Variants in MDH1 observed in about 807,000 individuals in gnomAD.
MDH1 encodes the protein malate dehydrogenase, cytoplasmic.
A neutral mutation model predicts 38.7 loss-of-function variants in MDH1; 15 were observed. That is an observed-to-expected ratio of 0.39 (90% CI 0.26 to 0.60). MDH1 has a LOEUF of 0.60. Ranked by LOEUF, MDH1 falls within the 20% of genes least tolerant of loss-of-function variation. The probability of loss-of-function intolerance (pLI) is 0.56; values close to 1 mark genes in which losing one functional copy is unlikely to be tolerated. For missense variants in MDH1, 368 were observed against 405.2 expected (o/e 0.91, Z 0.79); for synonymous variants, 144 against 143.6 (o/e 1.00, Z -0.02).
chr2:63,598,761 C>T (rs1040223826), intron 4 of MDH1, among the ~76,000 whole-genome samples: 5 of 152,032 alleles, frequency 3.3e-5, no homozygotes, highest in African/African-American at 1.2e-4. Flanking sequence ...AAATTGCAGG[C>T]TATTTGGAGG....
intron 3 of MDH1, among the ~76,000 whole-genome samples, chr2:63,596,208 T>C (rs893060733): frequency 3.9e-5 from 6 of 152,220 alleles, no homozygotes; most frequent in Admixed American, 6.5e-5. Context: ...TCATAGTCTT[T>C]CTTTTGGTAA....
chr2:63,604,277 C>T (rs1248399112), intron 5 of MDH1, among the ~76,000 whole-genome samples: 1 of 151,962 alleles, frequency 6.6e-6, no homozygotes, highest in East Asian at 1.9e-4. Context: ...TATAAAGTGC[C>T]TAAATACCTG....
At chr2:63,601,951 G>A (rs927734392) in intron 5 of MDH1, among the ~76,000 whole-genome samples, 2 of 152,120 alleles carry the variant, frequency 1.3e-5, no homozygotes, top group Non-Finnish European at 2.9e-5. Flanking sequence ...CATGGCAGAC[G>A]TAAAAAATGG....
intron 8 of MDH1, among the ~76,000 whole-genome samples, 183 bp from the exon 9 acceptor site, chr2:63,606,679 G>T (rs262473): frequency 0.8 from 121,957 of 151,842 alleles, 49,638 homozygotes; most frequent in East Asian, 0.98. Flanking sequence ...TTAGATTCAA[G>T]GGGTTTAAAA....
rs894585140 is a variant in MDH1, at chr2:63,605,271, C to G, written c.676-9C>G. 21 of 1,587,274 alleles carry G rather than the reference C, an allele frequency of 1.3e-5. No individual in the cohort carries two copies. The highest frequency in any genetic ancestry group is 8.4e-5 in the Admixed American group (5 of 59,810). On this transcript the variant is annotated splice_polypyrimidine_tract_variant and intron_variant, in intron 6 of 8. Transcript: ENST00000233114. ...GTAATACTGCTGCCTTCACCTGCCC[C>G]CTTCCCAGACTGTGCAGCAGCGTGG...
intron 5 of MDH1, among the ~76,000 whole-genome samples, chr2:63,602,990 C>T (rs893893031): frequency 2.9e-5 from 3 of 102,086 alleles, no homozygotes; most frequent in African/African-American, 3.7e-5. Flanking sequence ...GACAGAGTCT[C>T]GCCCTGTCGC....
chr2:63,595,617 C>G, intron 3 of MDH1, 98 bp downstream of exon 3: 1 of 726,722 alleles, frequency 1.4e-6, no homozygotes, highest in Non-Finnish European at 2.4e-6. Context: ...GAAATTATTT[C>G]ATAAGAGGAT....
intron 1 of MDH1, chr2:63,591,116 C>A (rs1373567416): frequency 6.6e-6 from 1 of 152,206 alleles, no homozygotes; most frequent in Non-Finnish European, 1.5e-5. Context: ...ACAGAGCCTG[C>A]ATCTGCAGGA....
intron 4 of MDH1, among the ~76,000 whole-genome samples, chr2:63,598,910 A>G (rs1320491152): frequency 2.6e-5 from 4 of 152,106 alleles, no homozygotes; most frequent in Admixed American, 2.0e-4. Context: ...AAAAAAAAAA[A>G]AAAAGATATA....
chr2:63,595,421 A>G lies in MDH1; in HGVS notation c.103-2A>G. ...ACAGATGCTGTCCTTGCTATTTGGT[A>G]GCCTATAATTCTTGTGCTGTTGGAT... is the stretch of plus-strand genomic sequence containing the variant. On this transcript the variant is annotated splice_acceptor_variant, in intron 2 of 8. Transcript: ENST00000233114. LOFTEE classifies it high-confidence loss of function. 1 of 1,589,024 alleles carries G rather than the reference A, an allele frequency of 6.3e-7. No homozygotes were observed. Among genetic ancestry groups the G allele is most frequent in the East Asian group, 2.2e-5 (1 of 44,754 alleles).
Position 63,594,623 on chromosome 2 carries a change from G to C in MDH1, c.102+37G>C, listed in dbSNP as rs544404343. 53 of 1,376,902 alleles carry C rather than the reference G, an allele frequency of 3.8e-5. No individual in the cohort carries two copies. In the Admixed American group the frequency reaches 8.0e-4, roughly 21 times the overall value. 85.3% of individuals were successfully genotyped at this position (1,376,902 alleles called of 1,614,324 possible). A position where few individuals can be genotyped will look rare whatever the true frequency, so the allele number is the denominator to read the frequency against. On this transcript the variant is annotated intron_variant, in intron 2 of 8. Coordinates refer to ENST00000233114, the MANE Select transcript of MDH1 (RefSeq NM_005917.4). ...TGTCTATAAATCTTAAGTTATTAGA[G>C]TAAGAATATGGTTAATAAAAATCTG... is the stretch of plus-strand genomic sequence containing the variant.
chr2:63,589,487 C>G (rs1709112133), intron 1 of MDH1: 1 of 1,170,528 alleles, frequency 8.5e-7, no homozygotes, highest in Non-Finnish European at 1.2e-6. Flanking sequence ...AAGCAAAAAG[C>G]TGGAAAGGTA....
In MDH1 at chr2:63,599,222, C is replaced by T. The variant is rs1444602662; in HGVS notation, c.428C>T (p.Ser143Leu). ...ANTNCLTASK[S>L]APSIPKENFS... ...ACCAACTGCCTGACTGCTTCCAAGT[C>T]AGCTCCATCCATCCCCAAGGAGAAC... Residue 143 changes from serine (S) to leucine (L), a missense_variant, in exon 5 of 9, where the codon TCA (serine) becomes TTA (leucine). Transcript: ENST00000233114. 4.3e-6 allele frequency: 7 copies of T among 1,613,690 alleles called. No homozygotes were observed. In the South Asian group the frequency reaches 7.7e-5, roughly 18 times the overall value.
At chr2:63,599,904 C>CA (rs891332249) in intron 5 of MDH1, 12 of 152,202 alleles carry the variant, frequency 7.9e-5, no homozygotes, top group Non-Finnish European at 2.9e-5. Context: ...AATAGCTTTT[C>CA]AAAAAATTAG....
intron 3 of MDH1, among the ~76,000 whole-genome samples, chr2:63,596,207 T>C (rs1709309568): frequency 6.6e-6 from 1 of 152,356 alleles, no homozygotes; most frequent in African/African-American, 2.4e-5. Context: ...ATCATAGTCT[T>C]TCTTTTGGTA....
intron 3 of MDH1, among the ~76,000 whole-genome samples, chr2:63,596,508 C>T (rs774572860): frequency 2.6e-5 from 4 of 152,150 alleles, no homozygotes; most frequent in Non-Finnish European, 5.9e-5. Flanking sequence ...CTCTAAAGGG[C>T]CCAGATTGCT....
chr2:63,597,143 TA>T, intron 3 of MDH1: 1 of 355,768 alleles, frequency 2.8e-6, no homozygotes, highest in Non-Finnish European at 3.9e-6. Flanking sequence ...TATATGATTA[TA>T]AAAGATAAAA....
At chr2:63,593,423 TC>T (rs759936549) in intron 1 of MDH1, 4 of 364,630 alleles carry the variant, frequency 1.1e-5, no homozygotes, top group African/African-American at 2.2e-5. Flanking sequence ...TTTTTTTTTT[TC>T]TTTGACTTCT....
Position 63,605,976 on chromosome 2 carries a change from A to G in MDH1, c.827A>G (p.Asn276Ser), listed in dbSNP as rs764147124. 5.6e-6 allele frequency: 9 copies of G among 1,614,030 alleles called. No individual in the cohort carries two copies. In the South Asian group the frequency reaches 9.9e-5, roughly 18 times the overall value. ...FVSMGVISDG[N>S]SYGVPDDLLY... ...TCCATGGGTGTTATCTCTGATGGCA[A>G]CTCCTATGGTGTTCCTGATGATCTG... The change falls in exon 8 of 9, where the codon AAC becomes AGC. Residue 276 changes from asparagine (N) to serine (S), a missense_variant. Asn to Ser is a conservative substitution (Grantham distance 46, BLOSUM62 1). Coordinates refer to ENST00000233114, the MANE Select transcript of MDH1 (RefSeq NM_005917.4).
Sources: gnomAD v4.1 joint callset for allele counts (sites outside exome capture counted in the v4.1 genomes callset) on GRCh38, gnomAD v4.1.1 for gene constraint, MANE v1.5 for transcripts, NCBI Gene and HGNC (gene_info 2026-07-23, HGNC 2026-07-21) for gene names.